The following CAST variants were observed in gnomAD, a reference collection of about 807,000 sequenced individuals.
CAST encodes MIR583 host.
CAST carries 76 observed loss-of-function variants against 119.6 expected under a neutral mutation model. That is an observed-to-expected ratio of 0.64 (90% CI 0.53 to 0.77). The LOEUF (loss-of-function observed/expected upper bound fraction) is 0.77. Among genes scored for constraint, CAST ranks in the 30% least tolerant of loss-of-function variants. CAST has a pLI of 0.00. For missense variants in CAST, 953 were observed against 946.5 expected (o/e 1.01, Z -0.09); for synonymous variants, 319 against 331.6 (o/e 0.96, Z 0.41).
chr5:96,141,050 T>C, the CAST span, among the ~76,000 whole-genome samples: 1 of 152,294 alleles, frequency 6.6e-6, no homozygotes, highest in East Asian at 1.9e-4. Flanking sequence ...TAAACTAATA[T>C]AGGGATAATC....
the CAST span, among the ~76,000 whole-genome samples, chr5:96,512,036 T>G: frequency 6.6e-6 from 1 of 152,240 alleles, no homozygotes; most frequent in African/African-American, 2.4e-5. Flanking sequence ...AAAATGAAAG[T>G]TCTGTGAGTG....
chr5:96,454,556 G>A, the CAST span, among the ~76,000 whole-genome samples: 6 of 152,194 alleles, frequency 3.9e-5, no homozygotes, highest in African/African-American at 1.4e-4. Context: ...TGCAGTCTTC[G>A]CCATACACAT....
At chr5:96,088,160 G>T in the CAST span, among the ~76,000 whole-genome samples, 2 of 152,142 alleles carry the variant, frequency 1.3e-5, no homozygotes, top group Non-Finnish European at 2.9e-5. Context: ...TTAGTAATGC[G>T]TACTTACTTG....
the CAST span, among the ~76,000 whole-genome samples, chr5:96,483,630 A>G: frequency 1.3e-5 from 2 of 152,154 alleles, no homozygotes; most frequent in Admixed American, 1.3e-4. Context: ...TCTGGCTTCA[A>G]TCTGATCTTT....
At chr5:96,161,638 G>A in the CAST span, among the ~76,000 whole-genome samples, 1 of 152,256 alleles carries the variant, frequency 6.6e-6, no homozygotes, top group South Asian at 2.1e-4. Context: ...GGATCACCTT[G>A]CCAATTTCTA....
the CAST span, among the ~76,000 whole-genome samples, chr5:96,176,909 A>G: frequency 6.6e-6 from 1 of 152,222 alleles, no homozygotes; most frequent in African/African-American, 2.4e-5. Context: ...TTAGGACTGC[A>G]TCATCTAAAT....
At chr5:96,689,434 TG>T (rs1320787284) in intron 2 of CAST, among the ~76,000 whole-genome samples, 1 of 152,238 alleles carries the variant, frequency 6.6e-6, no homozygotes, top group Non-Finnish European at 1.5e-5. Context: ...TTAATGCCCT[TG>T]TGAGAACTAG....
intron 3 of CAST, among the ~76,000 whole-genome samples, chr5:96,722,024 T>C (rs1049304306): frequency 3.3e-5 from 5 of 152,236 alleles, no homozygotes. Flanking sequence ...CCCAAGTCTA[T>C]TTACGGGAGT....
chr5:96,555,593 T>A (rs1311656254), intron 1 of CAST, among the ~76,000 whole-genome samples: 1 of 152,148 alleles, frequency 6.6e-6, no homozygotes, highest in African/African-American at 2.4e-5. Context: ...GCACCTGGCT[T>A]GAAGGGTCCT....
At chr5:96,447,781 A>G in the CAST span, among the ~76,000 whole-genome samples, 3 of 152,238 alleles carry the variant, frequency 2.0e-5, no homozygotes, top group African/African-American at 7.2e-5. Flanking sequence ...AATATATCAC[A>G]TATATTTTTA....
At chr5:96,538,410 T>C (rs1194089241) in intron 1 of CAST, among the ~76,000 whole-genome samples, 1 of 152,226 alleles carries the variant, frequency 6.6e-6, no homozygotes, top group Non-Finnish European at 1.5e-5. Flanking sequence ...TTAGAAAAGA[T>C]AAGGTTTGGA....
At chr5:96,564,833 C>T (rs1268373039) in intron 1 of CAST, among the ~76,000 whole-genome samples, 2 of 152,106 alleles carry the variant, frequency 1.3e-5, no homozygotes, top group Non-Finnish European at 2.9e-5. Context: ...ATCACTTGAG[C>T]CTGAGGTTGA....
chr5:96,177,433 A>G, the CAST span, among the ~76,000 whole-genome samples: 1 of 152,160 alleles, frequency 6.6e-6, no homozygotes, highest in African/African-American at 2.4e-5. Context: ...CCAGAAGCAA[A>G]TTGCTGCTGA....
At chr5:96,549,519 G>A (rs1331558272) in intron 1 of CAST, among the ~76,000 whole-genome samples, 2 of 152,224 alleles carry the variant, frequency 1.3e-5, no homozygotes, top group East Asian at 1.9e-4. Context: ...TGAGGTACCT[G>A]GTTCATCTCA....
At chr5:96,200,999 A>G in the CAST span, among the ~76,000 whole-genome samples, 5 of 152,262 alleles carry the variant, frequency 3.3e-5, no homozygotes, top group African/African-American at 1.2e-4. Context: ...AAGTCATGTA[A>G]TAATAAAAGA....
intron 1 of CAST, among the ~76,000 whole-genome samples, chr5:96,552,764 A>G (rs1456193199): frequency 6.6e-6 from 1 of 152,368 alleles, no homozygotes; most frequent in East Asian, 1.9e-4. Context: ...CACTATGATC[A>G]GAGAATACTA....
chr5:95,965,356 A>G, the CAST span: 1 of 152,268 alleles, frequency 6.6e-6, no homozygotes, highest in Non-Finnish European at 1.5e-5. Context: ...GTTTTAGGCC[A>G]AAGTTAGCCC....
intron 1 of CAST, among the ~76,000 whole-genome samples, chr5:96,565,602 T>C (rs1404847547): frequency 6.6e-6 from 1 of 152,186 alleles, no homozygotes; most frequent in Non-Finnish European, 1.5e-5. Flanking sequence ...AGTGAATAAA[T>C]GAAGTGGTAC....
chr5:96,395,359 T>TG, the CAST span, among the ~76,000 whole-genome samples: 8 of 152,314 alleles, frequency 5.3e-5, no homozygotes, highest in South Asian at 1.7e-3. Context: ...AACATTCCAC[T>TG]GGGAAAAAAG....
Sources: gnomAD v4.1 joint callset for allele counts (sites outside exome capture counted in the v4.1 genomes callset) on GRCh38, gnomAD v4.1.1 for gene constraint, MANE v1.5 for transcripts, NCBI Gene and HGNC (gene_info 2026-07-23, HGNC 2026-07-21) for gene names.